The following TAFA2 variants were observed in gnomAD, a reference collection of about 807,000 sequenced individuals.
The protein encoded by TAFA2 is TAFA chemokine like family member 2.
Under a neutral mutation model 18.8 loss-of-function variants are expected in TAFA2, and 7 were observed. That is an observed-to-expected ratio of 0.37 (90% CI 0.21 to 0.70). The LOEUF (loss-of-function observed/expected upper bound fraction) is 0.70. TAFA2 is among the 30% of genes least tolerant of loss of function. TAFA2 has a pLI of 0.53. For synonymous variants in TAFA2, 60 were observed against 54.2 expected, an observed-to-expected ratio of 1.11 and a Z score of -0.47; for missense variants, 122 against 158.1, an observed-to-expected ratio of 0.77 and a Z score of 1.23.
At chr12:62,052,662 G>A (rs560386531) in intron 1 of TAFA2, among the ~76,000 whole-genome samples, 30 of 152,216 alleles carry the variant, frequency 2.0e-4, no homozygotes, top group African/African-American at 7.2e-4. Flanking sequence ...TGACACCATT[G>A]ATTCCATTAG....
chr12:61,847,717 G>C (rs1271510390), intron 2 of TAFA2, among the ~76,000 whole-genome samples: 1 of 152,206 alleles, frequency 6.6e-6, no homozygotes, highest in Non-Finnish European at 1.5e-5. Context: ...AGTCTGCAGA[G>C]CATGAGCAGT....
At chr12:62,238,945 C>T (rs903799271) in intron 1 of TAFA2, among the ~76,000 whole-genome samples, 9 of 152,168 alleles carry the variant, frequency 5.9e-5, no homozygotes, top group Non-Finnish European at 1.2e-4. Flanking sequence ...CTTTGCAATT[C>T]CAGAAAACAA....
In TAFA2 at chr12:62,149,684, GTATAT is replaced by G. The variant is rs1339842316; in HGVS notation, c.-2+41570_-2+41574del. On this transcript the variant is annotated intron_variant, in intron 1 of 4. Coordinates refer to ENST00000416284, the MANE Select transcript of TAFA2 (RefSeq NM_178539.5). Reference sequence around the variant, plus strand: ...TTTACAAATTACTATCATAAAAAAAGTATATTAATAACTATGACAAAATATAAGCA... The same window carrying G: ...TTTACAAATTACTATCATAAAAAAAGTAATAACTATGACAAAATATAAGCA... Among the ~76,000 whole-genome samples the G allele has an allele frequency of 2.6e-5, 4 of 151,362 alleles. No individual in the cohort carries two copies. In the South Asian group the frequency reaches 6.2e-4, roughly 24 times the overall value.
chr12:61,969,157 A>G (rs958134407), intron 1 of TAFA2, among the ~76,000 whole-genome samples: 3 of 151,750 alleles, frequency 2.0e-5, no homozygotes, highest in Admixed American at 2.0e-4. Flanking sequence ...TGTTTCTAGC[A>G]CAATAATGCC....
chr12:62,065,464 G>A (rs1459745588), intron 1 of TAFA2, among the ~76,000 whole-genome samples: 3 of 151,966 alleles, frequency 2.0e-5, no homozygotes, highest in Non-Finnish European at 4.4e-5. Context: ...TCTTACCAAT[G>A]AAAATACCAA....
intron 1 of TAFA2, among the ~76,000 whole-genome samples, chr12:61,868,334 G>T (rs575784552): frequency 1.2e-4 from 19 of 152,198 alleles, no homozygotes; most frequent in Admixed American, 1.2e-3. Flanking sequence ...TAAAATTCTT[G>T]CATTAATCAC....
intron 1 of TAFA2, among the ~76,000 whole-genome samples, chr12:62,244,974 G>C (rs1355288937): frequency 2.0e-5 from 3 of 151,896 alleles, no homozygotes; most frequent in Admixed American, 2.0e-4. Context: ...CCACTCTGTG[G>C]TTTATCTTTA....
At chr12:61,803,226 G>A (rs1239252144) in intron 2 of TAFA2, among the ~76,000 whole-genome samples, 2 of 151,868 alleles carry the variant, frequency 1.3e-5, no homozygotes, top group African/African-American at 2.4e-5. Context: ...GAGCATGCCT[G>A]CTGTTTCTGC....
intron 4 of TAFA2, among the ~76,000 whole-genome samples, chr12:61,733,561 T>G (rs1463451999): frequency 2.0e-5 from 3 of 148,776 alleles, no homozygotes; most frequent in African/African-American, 7.4e-5. Flanking sequence ...TTTGTCAGGT[T>G]TGTCAAAGAT....
chr12:61,868,624 G>C (rs1483035323), intron 1 of TAFA2, among the ~76,000 whole-genome samples: 1 of 152,036 alleles, frequency 6.6e-6, no homozygotes, highest in Admixed American at 6.6e-5. Context: ...TGACTCAAAG[G>C]TAGAACAGGT....
chr12:61,884,919 T>A (rs1362569239), intron 1 of TAFA2, among the ~76,000 whole-genome samples: 1 of 152,158 alleles, frequency 6.6e-6, no homozygotes, highest in Non-Finnish European at 1.5e-5. Context: ...TTTTATGAGT[T>A]TTTCACTCCA....
rs557506396 is a variant in TAFA2 at position 61,790,034 on chromosome 12, C to G, written c.107-35010G>C. On this transcript the variant is annotated intron_variant, in intron 2 of 4. Coordinates refer to ENST00000416284, the MANE Select transcript of TAFA2 (RefSeq NM_178539.5). ...TCATTGACCATGACCAAATATGATT[C>G]ATTCCAGTGAAGCAAGAATTGTCTA... Among the ~76,000 whole-genome samples the G allele has an allele frequency of 2.5e-3, 379 of 151,872 alleles. 1 individual carries two copies. The highest frequency in any genetic ancestry group is 8.5e-3 in the African/African-American group (353 of 41,486).
chr12:61,792,686 A>G (rs1056381811), intron 2 of TAFA2, among the ~76,000 whole-genome samples: 1 of 151,596 alleles, frequency 6.6e-6, no homozygotes, highest in Non-Finnish European at 1.5e-5. Flanking sequence ...ATTAACAGAG[A>G]TGAAAATAAA....
chr12:62,234,879 C>T, intron 1 of TAFA2: 1 of 1,029,838 alleles, frequency 9.7e-7, no homozygotes, highest in South Asian at 1.3e-5. Flanking sequence ...CAGCTCGGGG[C>T]ATCCCACGAT....
intron 1 of TAFA2, among the ~76,000 whole-genome samples, chr12:61,938,877 A>T (rs367633427): frequency 6.6e-6 from 1 of 152,122 alleles, no homozygotes; most frequent in East Asian, 1.9e-4. Context: ...AGGCATACAG[A>T]GTGACATAAT....
At chr12:61,814,042 G>T (rs1170841029) in intron 2 of TAFA2, among the ~76,000 whole-genome samples, 2 of 151,350 alleles carry the variant, frequency 1.3e-5, no homozygotes, top group African/African-American at 2.5e-5. Context: ...TCGAGAAAAG[G>T]CACACACTGT....
At chr12:61,970,938 C>T (rs1007436895) in intron 1 of TAFA2, among the ~76,000 whole-genome samples, 8 of 151,270 alleles carry the variant, frequency 5.3e-5, no homozygotes, top group African/African-American at 1.5e-4. Context: ...CTGTATTTCA[C>T]GAATTTAAAA....
chr12:61,923,491 C>A (rs1877146589), intron 1 of TAFA2, among the ~76,000 whole-genome samples: 1 of 152,214 alleles, frequency 6.6e-6, no homozygotes, highest in African/African-American at 2.4e-5. Flanking sequence ...AGACCTGCAG[C>A]AGAGGTGCCT....
chr12:61,955,614 AAAAAAAAAAAAAAAAAAAATAT>A (rs1206727986), intron 1 of TAFA2, among the ~76,000 whole-genome samples: 18 of 32,954 alleles, frequency 5.5e-4, no homozygotes, highest in African/African-American at 1.6e-3. Flanking sequence ...AAAAAAAAAA[AAAAAAAAAAAAAAAAAAAATAT>A]ATATATATAT....
Sources: gnomAD v4.1 joint callset for allele counts (sites outside exome capture counted in the v4.1 genomes callset) on GRCh38, gnomAD v4.1.1 for gene constraint, MANE v1.5 for transcripts, NCBI Gene and HGNC (gene_info 2026-07-23, HGNC 2026-07-21) for gene names.